Variants in PCDH15 observed in about 807,000 individuals in gnomAD.
The protein encoded by PCDH15 is protocadherin related 15, also known as protocadherin-15.
In PCDH15, 129 loss-of-function variants were observed where a neutral mutation model predicts 178.5. The ratio of observed to expected loss-of-function variants is 0.72; its 90% CI spans 0.63 to 0.84. The LOEUF is 0.84. Ranked by LOEUF, PCDH15 falls within the 40% of genes least tolerant of loss-of-function variation. The probability of loss-of-function intolerance (pLI) is 0.00; values close to 1 mark genes in which losing one functional copy is unlikely to be tolerated. For synonymous variants in PCDH15, 800 were observed against 732.0 expected, an observed-to-expected ratio of 1.09 and a Z score of -1.50; for missense variants, 2,230 against 2,099.9, an observed-to-expected ratio of 1.06 and a Z score of -1.21.
chr10:54,126,231 C>G (rs2041978854), intron 15 of PCDH15, among the ~76,000 whole-genome samples: 1 of 152,028 alleles, frequency 6.6e-6, no homozygotes, highest in Non-Finnish European at 1.5e-5. Flanking sequence ...CCAACACACC[C>G]AGGTAATTTT....
At chr10:54,927,942 G>T (rs990031788) in intron 2 of PCDH15, among the ~76,000 whole-genome samples, 9 of 152,002 alleles carry the variant, frequency 5.9e-5, no homozygotes, top group Non-Finnish European at 1.3e-4. Context: ...TACATTCAAG[G>T]TTAATATTGT....
chr10:54,004,398 C>CT (rs2092304323), intron 20 of PCDH15, among the ~76,000 whole-genome samples: 1 of 44,830 alleles, frequency 2.2e-5, no homozygotes, highest in East Asian at 2.5e-3. Context: ...CTAAAGACTA[C>CT]ACACACACAC....
intron 5 of PCDH15, among the ~76,000 whole-genome samples, chr10:54,361,427 A>G (rs1201981151): frequency 6.6e-6 from 1 of 152,122 alleles, no homozygotes; most frequent in African/African-American, 2.4e-5. Context: ...GCTCATTGTC[A>G]TCATCGTTCC....
At chr10:54,637,020 C>T (rs1280400720) in intron 2 of PCDH15, among the ~76,000 whole-genome samples, 1 of 151,262 alleles carries the variant, frequency 6.6e-6, no homozygotes, top group African/African-American at 2.4e-5. Context: ...TATGGCATAG[C>T]GTACCTTCTT....
intron 9 of PCDH15, among the ~76,000 whole-genome samples, chr10:54,221,600 CT>C (rs200046291): frequency 0.079 from 11,207 of 142,588 alleles, 1,226 homozygotes; most frequent in African/African-American, 0.25. Flanking sequence ...AGTATGTATT[CT>C]TTTTTTTTTT....
intron 28 of PCDH15, among the ~76,000 whole-genome samples, chr10:53,845,589 C>T (rs950775744): frequency 6.6e-6 from 1 of 151,600 alleles, no homozygotes; most frequent in Non-Finnish European, 1.5e-5. Context: ...ATGGAAGAAA[C>T]TGAAGGTTAT....
intron 3 of PCDH15, among the ~76,000 whole-genome samples, chr10:54,841,007 T>A (rs752778319): frequency 6.6e-6 from 1 of 151,848 alleles, no homozygotes; most frequent in Non-Finnish European, 1.5e-5. Flanking sequence ...ATTTCCATAC[T>A]GGATAGATCA....
chr10:54,212,273 G>T (rs775703903), intron 10 of PCDH15, among the ~76,000 whole-genome samples: 75 of 152,196 alleles, frequency 4.9e-4, no homozygotes, highest in Non-Finnish European at 1.0e-3. Flanking sequence ...AATGTAAGAA[G>T]GTGAATCTCA....
At chr10:54,919,682 C>A (rs1268712381) in intron 2 of PCDH15, among the ~76,000 whole-genome samples, 1 of 152,142 alleles carries the variant, frequency 6.6e-6, no homozygotes, top group African/African-American at 2.4e-5. Context: ...TTGGCCATAA[C>A]TTTGACTTTA....
chr10:54,534,449 A>G (rs1244684362), intron 2 of PCDH15, among the ~76,000 whole-genome samples: 12 of 152,194 alleles, frequency 7.9e-5, no homozygotes, highest in African/African-American at 2.9e-4. Flanking sequence ...AAGCTTAAAA[A>G]AAGTAATGGG....
Position 53,811,628 on chromosome 10 carries a change from C to A in PCDH15, c.4492-9G>T. Reference sequence around the variant, plus strand: ...GACTCCATGGATAATTCCTATTGTTCAAAAAGAAAAATTGCATTTGAAAAC... The same window carrying A: ...GACTCCATGGATAATTCCTATTGTTAAAAAAGAAAAATTGCATTTGAAAAC... On this transcript the variant is annotated splice_polypyrimidine_tract_variant and intron_variant, in intron 35 of 37. Coordinates refer to ENST00000644397, the MANE Select transcript of PCDH15 (RefSeq NM_001384140.1). The A allele has an allele frequency of 6.5e-7, 1 of 1,528,228 alleles. No homozygotes were observed. The highest frequency in any genetic ancestry group is 1.4e-5 in the South Asian group (1 of 72,778). The allele number at this position is 1,528,228 out of a possible 1,614,324, so 94.7% of individuals were successfully genotyped here.
intron 1 of PCDH15, among the ~76,000 whole-genome samples, chr10:54,664,824 T>A (rs958093986): frequency 6.6e-6 from 1 of 151,672 alleles, no homozygotes; most frequent in South Asian, 2.1e-4. Flanking sequence ...GGAAAATCTG[T>A]CAATTTTCAC....
chr10:54,952,586 A>C (rs565447524), intron 2 of PCDH15, among the ~76,000 whole-genome samples: 1 of 151,930 alleles, frequency 6.6e-6, no homozygotes, highest in East Asian at 1.9e-4. Context: ...AAAGTTGGGA[A>C]GAAATGATGC....
chr10:54,451,483 G>T (rs147739338), intron 3 of PCDH15, among the ~76,000 whole-genome samples: 1 of 151,858 alleles, frequency 6.6e-6, no homozygotes, highest in Non-Finnish European at 1.5e-5. Context: ...AAGCATCTGC[G>T]TTTTGGAAAG....
At position 54,559,850 on chromosome 10, in the gene PCDH15, T is replaced by TAAAAAAAA. The variant is rs80250003; in HGVS notation, c.92-31981_92-31974dup. On this transcript the variant is annotated intron_variant, in intron 2 of 37. Transcript: ENST00000644397. ...TTTGACATCTTGGTTTGTCTTATAG[T>TAAAAAAAA]AAAAAAAAAAAAAAAAAAAAAAAAG... 1.3e-3 allele frequency among the ~76,000 whole-genome samples: 93 copies of TAAAAAAAA among 73,040 alleles called. 1 individual carries two copies. The highest frequency in any genetic ancestry group is 4.2e-3 in the South Asian group (7 of 1,650). 47.9% of individuals were successfully genotyped at this position (73,040 alleles called of 152,430 possible). A position where few individuals can be genotyped will look rare whatever the true frequency, so the allele number is the denominator to read the frequency against.
At chr10:55,396,337 G>T (rs753997381) in intron 2 of PCDH15, among the ~76,000 whole-genome samples, 1 of 152,060 alleles carries the variant, frequency 6.6e-6, no homozygotes, top group Non-Finnish European at 1.5e-5. Context: ...CATCTTAAAA[G>T]TATATTATCT....
At chr10:54,908,620 C>T (rs1438672894) in intron 2 of PCDH15, among the ~76,000 whole-genome samples, 1 of 152,214 alleles carries the variant, frequency 6.6e-6, no homozygotes, top group African/African-American at 2.4e-5. Flanking sequence ...AGTTCTTGTC[C>T]TGCATCCAGG....
At chr10:54,609,546 A>G (rs1008923644) in intron 2 of PCDH15, among the ~76,000 whole-genome samples, 3 of 152,068 alleles carry the variant, frequency 2.0e-5, no homozygotes, top group Non-Finnish European at 4.4e-5. Flanking sequence ...TCAATGAAGA[A>G]TAATCTGTAA....
chr10:54,359,335 G>T (rs561516354), intron 5 of PCDH15, among the ~76,000 whole-genome samples: 220 of 148,730 alleles, frequency 1.5e-3, no homozygotes, highest in African/African-American at 5.3e-3. Context: ...ACCAATGTTG[G>T]TTTATTAGTT....
Sources: gnomAD v4.1 joint callset for allele counts (sites outside exome capture counted in the v4.1 genomes callset) on GRCh38, gnomAD v4.1.1 for gene constraint, MANE v1.5 for transcripts, NCBI Gene and HGNC (gene_info 2026-07-23, HGNC 2026-07-21) for gene names.